Variants in TSPAN9 observed in about 807,000 individuals in gnomAD.
TSPAN9 encodes the protein tetraspanin-9.
A neutral mutation model predicts 31.0 loss-of-function variants in TSPAN9; 16 were observed. The observed-to-expected ratio is 0.52, with a 90% confidence interval of 0.35 to 0.78. The LOEUF (loss-of-function observed/expected upper bound fraction) is 0.78, where lower values mean the gene tolerates loss of function less well. TSPAN9 is among the 30% of genes least tolerant of loss of function. The pLI is 0.01. For missense variants in TSPAN9, 272 were observed against 312.5 expected (o/e 0.87, Z 0.98); for synonymous variants, 145 against 121.6 (o/e 1.19, Z -1.27).
At chr12:3,260,851 CAG>C (rs956348589) in intron 3 of TSPAN9, among the ~76,000 whole-genome samples, 24 of 152,300 alleles carry the variant, frequency 1.6e-4, no homozygotes, top group South Asian at 4.1e-4. Flanking sequence ...GCCCCAAAGA[CAG>C]GGGGTGTGTT....
At chr12:3,279,888 T>G (rs1313814162) in intron 5 of TSPAN9, among the ~76,000 whole-genome samples, 1 of 152,128 alleles carries the variant, frequency 6.6e-6, no homozygotes, top group South Asian at 2.1e-4. Context: ...AACAGCGCCA[T>G]GAGTAGATGC....
intron 2 of TSPAN9, among the ~76,000 whole-genome samples, chr12:3,133,387 A>AT (rs1324100440): frequency 1.2e-4 from 11 of 94,632 alleles, no homozygotes; most frequent in African/African-American, 3.6e-4. Context: ...ATTATTATAT[A>AT]ATTTTTTTTT....
At chr12:3,091,993 A>G (rs114646837) in intron 2 of TSPAN9, among the ~76,000 whole-genome samples, 356 of 152,316 alleles carry the variant, frequency 2.3e-3, no homozygotes, top group African/African-American at 8.0e-3. Flanking sequence ...CAGGTTTTAT[A>G]TTAATCAGTG....
At chr12:3,178,291 CTT>C (rs112883143) in intron 2 of TSPAN9, among the ~76,000 whole-genome samples, 7 of 144,014 alleles carry the variant, frequency 4.9e-5, no homozygotes, top group African/African-American at 7.6e-5. Flanking sequence ...GTTTCTTTTT[CTT>C]TTTTTTTTTT....
rs149292764 is a variant in TSPAN9, at chr12:3,081,354, C to G, written c.-84-2299C>G. 9.6e-3 allele frequency among the ~76,000 whole-genome samples: 1,458 copies of G among 152,278 alleles called. 19 individuals carry two copies. Among genetic ancestry groups the G allele is most frequent in the African/African-American group, 0.034 (1,395 of 41,560 alleles). ...GCATTCAGCATCCTGCCTGTCTAGC[C>G]TTATCGCCACTCTCCTCCCTCCTGG... On this transcript the variant is annotated intron_variant, in intron 1 of 8. Transcript: ENST00000011898.
At chr12:3,106,566 T>C (rs904087800) in intron 2 of TSPAN9, among the ~76,000 whole-genome samples, 3 of 152,034 alleles carry the variant, frequency 2.0e-5, no homozygotes, top group African/African-American at 7.2e-5. Context: ...GCCCAGAAAT[T>C]TGAGTTCACC....
In TSPAN9 at chr12:3,285,436, T is replaced by C. The variant is rs1862996661; in HGVS notation, c.*2320T>C. Reference sequence around the variant, plus strand: ...GGCCCCAGAGCCTTTGCCACAGTGCTCCCACCAGCCCCCACCTCATCCGTC... The same window carrying C: ...GGCCCCAGAGCCTTTGCCACAGTGCCCCCACCAGCCCCCACCTCATCCGTC... On this transcript the variant is annotated 3_prime_UTR_variant, in exon 9 of 9. Coordinates refer to ENST00000011898, the MANE Select transcript of TSPAN9 (RefSeq NM_006675.5). The C allele has an allele frequency of 6.6e-6, 1 of 152,246 alleles. No individual in the cohort carries two copies. The highest frequency in any genetic ancestry group is 1.5e-5 in the Non-Finnish European group (1 of 68,054). The allele number at this position is 152,246 out of a possible 1,614,324, so 9.4% of individuals were successfully genotyped here. A position where few individuals can be genotyped will look rare whatever the true frequency, so the allele number is the denominator to read the frequency against.
At chr12:3,278,178 T>C (rs1187168705) in intron 3 of TSPAN9, among the ~76,000 whole-genome samples, 1 of 152,158 alleles carries the variant, frequency 6.6e-6, no homozygotes, top group Non-Finnish European at 1.5e-5. Flanking sequence ...CCTGGGAGGC[T>C]CTTGAAACTG....
At chr12:3,115,402 T>C (rs1392580271) in intron 2 of TSPAN9, among the ~76,000 whole-genome samples, 1 of 152,226 alleles carries the variant, frequency 6.6e-6, no homozygotes, top group Non-Finnish European at 1.5e-5. Flanking sequence ...TCATGTGCCA[T>C]GCTTTTGTGT....
Position 3,096,551 on chromosome 12 carries a change from A to G in TSPAN9, c.-18+12832A>G, listed in dbSNP as rs1209171373. ...ATTTTTTGAATGAATGAATGAATGAATATTGCACTTGTGATCTAAGAGATG... is the reference window on the plus strand; with the variant it reads ...ATTTTTTGAATGAATGAATGAATGAGTATTGCACTTGTGATCTAAGAGATG... On this transcript the variant is annotated intron_variant, in intron 2 of 8. Transcript: ENST00000011898. Among the ~76,000 whole-genome samples, 7 of 152,154 alleles carry G rather than the reference A, an allele frequency of 4.6e-5. No homozygotes were observed. The East Asian group carries it at 1.4e-3, about 30-fold the overall frequency.
chr12:3,220,499 T>G (rs2098383857), intron 3 of TSPAN9, among the ~76,000 whole-genome samples: 1 of 152,318 alleles, frequency 6.6e-6, no homozygotes, highest in East Asian at 1.9e-4. Flanking sequence ...CTCACAAATA[T>G]TGGCCGAGAT....
intron 3 of TSPAN9, among the ~76,000 whole-genome samples, chr12:3,262,777 T>C (rs910700119): frequency 1.3e-5 from 2 of 152,178 alleles, no homozygotes; most frequent in African/African-American, 4.8e-5. Context: ...CTGACTGATA[T>C]CCAGGTTGGG....
intron 2 of TSPAN9, among the ~76,000 whole-genome samples, chr12:3,119,269 C>T (rs2098324000): frequency 6.6e-6 from 1 of 152,200 alleles, no homozygotes; most frequent in Admixed American, 6.5e-5. Flanking sequence ...ACCTTTGATG[C>T]ATCAGGTGCT....
rs144694422 is a variant in TSPAN9 at position 3,086,406 on chromosome 12, T to G, written c.-18+2687T>G. On this transcript the variant is annotated intron_variant, in intron 2 of 8. Transcript: ENST00000011898. ...CACACCCCTTCCGCCCTCTGTTTTC[T>G]CTCAGGCTCCCTCACAGTGGATGGC... 2.3e-3 allele frequency among the ~76,000 whole-genome samples: 351 copies of G among 152,220 alleles called. 2 individuals are homozygous for G. Among genetic ancestry groups the G allele is most frequent in the African/African-American group, 8.1e-3 (337 of 41,526 alleles).
intron 2 of TSPAN9, among the ~76,000 whole-genome samples, chr12:3,180,861 CAG>C (rs2098358259): frequency 6.6e-6 from 1 of 152,290 alleles, no homozygotes. Flanking sequence ...AAATGATAAA[CAG>C]AGCTCTGACT....
At position 3,243,707 on chromosome 12, in the gene TSPAN9, G is replaced by A. The variant is rs183251422; in HGVS notation, c.64-34714G>A. 2.1e-3 allele frequency among the ~76,000 whole-genome samples: 320 copies of A among 152,262 alleles called. 1 individual carries two copies. Among genetic ancestry groups the A allele is most frequent in the African/African-American group, 7.1e-3 (296 of 41,566 alleles). On this transcript the variant is annotated intron_variant, in intron 3 of 8. Transcript: ENST00000011898. ...GGTGACAGCGTAGGGGTTGACGCCC[G>A]TGGTCTGGTCTTGCCCAGGCTGGCT... is the stretch of plus-strand genomic sequence containing the variant.
rs935024439 is a variant in TSPAN9 at position 3,107,531 on chromosome 12, C to A, written c.-18+23812C>A. Among the ~76,000 whole-genome samples, 2 of 152,126 alleles carry A rather than the reference C, an allele frequency of 1.3e-5. No individual in the cohort carries two copies. Among genetic ancestry groups the A allele is most frequent in the Non-Finnish European group, 1.5e-5 (1 of 68,026 alleles). On this transcript the variant is annotated intron_variant, in intron 2 of 8. Transcript: ENST00000011898. The surrounding 1 kb of genome is among the most constrained non-coding windows in gnomAD (Gnocchi z 4.1). ...CAAGGACAGCAGACCCCCAGTCCAG[C>A]CCCCCTATCCCTGTGCCCTTCATCT...
At chr12:3,181,071 G>C (rs539604752) in intron 2 of TSPAN9, among the ~76,000 whole-genome samples, 1 of 152,054 alleles carries the variant, frequency 6.6e-6, no homozygotes, top group Admixed American at 6.5e-5. Context: ...AGATGGGTGG[G>C]GGGGATGTTT....
intron 3 of TSPAN9, among the ~76,000 whole-genome samples, chr12:3,248,451 A>G (rs1263345653): frequency 6.6e-6 from 1 of 152,046 alleles, no homozygotes; most frequent in Non-Finnish European, 1.5e-5. Flanking sequence ...GTTCCTGAAC[A>G]TTACACTCCT....
Sources: allele counts gnomAD v4.1 joint callset (sites outside exome capture counted in the v4.1 genomes callset), GRCh38; gene constraint gnomAD v4.1.1; non-coding constraint Gnocchi (gnomAD v3.1); transcripts MANE v1.5; gene names NCBI Gene and HGNC (gene_info 2026-07-23, HGNC 2026-07-21).